FBXO31: variants seen among roughly 807,000 people sequenced by gnomAD.
FBXO31 encodes F-box only protein 31.
FBXO31 carries 24 observed loss-of-function variants against 54.4 expected under a neutral mutation model. The ratio of observed to expected loss-of-function variants is 0.44; its 90% CI spans 0.32 to 0.62. FBXO31 has a LOEUF of 0.62. Ranked by LOEUF, FBXO31 falls within the 20% of genes least tolerant of loss-of-function variation. The pLI is 0.05. For synonymous variants in FBXO31, 388 were observed against 335.6 expected, an observed-to-expected ratio of 1.16 and a Z score of -1.71; for missense variants, 665 against 787.1, an observed-to-expected ratio of 0.84 and a Z score of 1.86.
chr16:87,385,827 G>A (rs544883825), upstream of FBXO31, among the ~76,000 whole-genome samples: 4 of 152,218 alleles, frequency 2.6e-5, no homozygotes, highest in East Asian at 3.9e-4. Flanking sequence ...TGGCCAACAT[G>A]GTGAAACCTT....
At chr16:87,351,409 C>G (rs4843600) in intron 2 of FBXO31, among the ~76,000 whole-genome samples, 147,762 of 152,170 alleles carry the variant, frequency 0.97, 71,819 homozygotes, top group East Asian at 1. Flanking sequence ...GCTCTGGTGG[C>G]GGGGGAAAGG....
intron 8 of FBXO31, among the ~76,000 whole-genome samples, chr16:87,332,634 C>A (rs904285300): frequency 6.6e-6 from 1 of 152,000 alleles, no homozygotes; most frequent in African/African-American, 2.4e-5. Context: ...CATCCAAACC[C>A]CCTCCGGGAG....
intron 2 of FBXO31, among the ~76,000 whole-genome samples, chr16:87,350,722 TA>T (rs146548983): frequency 5.4e-4 from 81 of 149,094 alleles, no homozygotes; most frequent in African/African-American, 1.4e-3. Context: ...ATACTGGGGT[TA>T]AAAAAAAAAC....
In FBXO31 at chr16:87,374,160, C is replaced by G. The variant is rs551820254; in HGVS notation, c.340+9245G>C. On this transcript the variant is annotated intron_variant, in intron 1 of 8. Transcript: ENST00000311635. ...GAGAGGCTAAGGCAGGAGGATTCCT[C>G]GAGCCTAGGAGGTCAAAGTTGCCGT... 2.0e-5 allele frequency among the ~76,000 whole-genome samples: 3 copies of G among 151,772 alleles called. No individual in the cohort carries two copies. In the East Asian group the frequency reaches 5.8e-4, roughly 29 times the overall value.
At chr16:87,356,404 G>A (rs1001011582) in intron 2 of FBXO31, among the ~76,000 whole-genome samples, 16 of 152,062 alleles carry the variant, frequency 1.1e-4, no homozygotes, top group African/African-American at 3.1e-4. Flanking sequence ...GTCTTCAAAC[G>A]TTGCCCACCC....
upstream of FBXO31, among the ~76,000 whole-genome samples, chr16:87,391,026 C>A (rs1434779600): frequency 1.3e-5 from 2 of 152,232 alleles, no homozygotes; most frequent in Admixed American, 6.5e-5. Flanking sequence ...AACTATGGGG[C>A]TCTTTCAAAG....
chr16:87,383,554 C>T lies in FBXO31; in HGVS notation c.191G>A (p.Arg64His). 1 of 1,546,160 alleles carries T rather than the reference C, an allele frequency of 6.5e-7. No homozygotes were observed. The highest frequency in any genetic ancestry group is 8.7e-7 in the Non-Finnish European group (1 of 1,152,512). ...GGGCGGCAGCTCCAGCAGCGAGCAGCGCGGGGGCGGCGGCGAGGGGCCCGC... is the reference window on the plus strand; with the variant it reads ...GGGCGGCAGCTCCAGCAGCGAGCAGTGCGGGGGCGGCGGCGAGGGGCCCGC... Reference protein sequence around the residue: ...LCAGPSPPPPRCSLLELPPEL... With the variant: ...LCAGPSPPPPHCSLLELPPEL... Residue 64 changes from arginine (R) to histidine (H), a missense_variant, in exon 1 of 9, where the codon CGC becomes CAC. Coordinates refer to ENST00000311635, the MANE Select transcript of FBXO31 (RefSeq NM_024735.5). The surrounding 1 kb of genome is among the most constrained non-coding windows in gnomAD (Gnocchi z 4.9).
chr16:87,387,713 A>G (rs1907372681), upstream of FBXO31, among the ~76,000 whole-genome samples: 1 of 152,226 alleles, frequency 6.6e-6, no homozygotes, highest in Admixed American at 6.5e-5. Flanking sequence ...AGGCTGAAGC[A>G]GGAGAATGGT....
chr16:87,335,177 G>A lies in FBXO31; in HGVS notation c.996+127C>T. ...TCTGCTTTCCCAAGCTCCCGGGGCT[G>A]CAGGTGCAAGCCCACTCTGAGGAGC... On this transcript the variant is annotated intron_variant, in intron 7 of 8. Transcript: ENST00000311635. The surrounding 1 kb of genome is among the most constrained non-coding windows in gnomAD (Gnocchi z 5.7). 8.2e-6 allele frequency: 11 copies of A among 1,336,456 alleles called. No homozygotes were observed. The highest frequency in any genetic ancestry group is 1.2e-5 in the Non-Finnish European group (11 of 955,046). 82.8% of individuals were successfully genotyped at this position (1,336,456 alleles called of 1,614,324 possible).
In FBXO31 at chr16:87,335,433, G is replaced by C; in HGVS notation, c.867C>G (p.Ile289Met). 6.2e-7 allele frequency: 1 copy of C among 1,613,312 alleles called. No homozygotes were observed. Among genetic ancestry groups the C allele is most frequent in the Non-Finnish European group, 8.5e-7 (1 of 1,179,916 alleles). The stretch of plus-strand genomic sequence containing the variant: ...CGTCGGGGCGGCTGGGCGGCAGGTA[G>C]ATGCGGCGGTAGGTCAGGCAGTTGC... ...QYDNCLTYRR[I>M]YLPPSRPDDL... The change falls in exon 7 of 9, where the codon ATC (isoleucine) becomes ATG (methionine). Residue 289 changes from isoleucine to methionine, a missense_variant. Ile to Met is a conservative substitution (Grantham distance 10). Transcript: ENST00000311635. This position sits in a 1 kb window ranked among gnomAD's most constrained non-coding sequence, Gnocchi z 5.7.
intron 1 of FBXO31, among the ~76,000 whole-genome samples, chr16:87,389,171 T>C (rs977056490): frequency 1.3e-5 from 2 of 151,900 alleles, no homozygotes; most frequent in Non-Finnish European, 2.9e-5. Flanking sequence ...AGATATATAT[T>C]ATTTAACTAA....
intron 2 of FBXO31, among the ~76,000 whole-genome samples, chr16:87,354,041 C>T (rs756145932): frequency 1.2e-4 from 19 of 152,228 alleles, no homozygotes; most frequent in Non-Finnish European, 2.9e-5. Context: ...TCCGCGTTCA[C>T]CTCCAGTTTC....
chr16:87,374,037 C>G (rs953250835), intron 1 of FBXO31, among the ~76,000 whole-genome samples: 2 of 152,002 alleles, frequency 1.3e-5, no homozygotes, highest in Non-Finnish European at 2.9e-5. Flanking sequence ...GCCAGGACTT[C>G]CAGACCAGCC....
In FBXO31 at chr16:87,368,797, TTTTG is replaced by T. The variant is rs748184269; in HGVS notation, c.341-8435_341-8432del. 5.9e-5 allele frequency among the ~76,000 whole-genome samples: 9 copies of T among 152,302 alleles called. No individual in the cohort carries two copies. The East Asian group carries it at 1.3e-3, about 23-fold the overall frequency. ...ATTTAATTTAGATAGTTTCTTTGTTTTTTGTTTATTTGTCTTTTTGAAATAGAGT... is the reference window on the plus strand; with the variant it reads ...ATTTAATTTAGATAGTTTCTTTGTTTTTTATTTGTCTTTTTGAAATAGAGT... On this transcript the variant is annotated intron_variant, in intron 1 of 8. Coordinates refer to ENST00000311635, the MANE Select transcript of FBXO31 (RefSeq NM_024735.5).
chr16:87,386,247 A>G (rs1907324240), upstream of FBXO31: 1 of 152,176 alleles, frequency 6.6e-6, no homozygotes, highest in Non-Finnish European at 1.5e-5. Flanking sequence ...CAAGAAAAAG[A>G]GATAAAATAT....
chr16:87,391,827 G>C (rs977888703), upstream of FBXO31: 4 of 152,336 alleles, frequency 2.6e-5, no homozygotes, highest in Admixed American at 6.5e-5. Context: ...CTGCCTCCCG[G>C]AGACGGCGCG....
chr16:87,353,048 G>A (rs1286600998), intron 2 of FBXO31, among the ~76,000 whole-genome samples: 2 of 152,264 alleles, frequency 1.3e-5, no homozygotes. Context: ...GGGACTCTAC[G>A]GAAGAAATTG....
At chr16:87,357,243 CA>C (rs1287175650) in intron 2 of FBXO31, among the ~76,000 whole-genome samples, 42 of 128,000 alleles carry the variant, frequency 3.3e-4, no homozygotes, top group East Asian at 4.4e-4. Flanking sequence ...GACCCTGTCT[CA>C]AAAAAAAAAA....
Position 87,336,438 on chromosome 16 carries a change from C to G in FBXO31, c.733-174G>C, listed in dbSNP as rs1040950181. On this transcript the variant is annotated intron_variant, in intron 5 of 8. Coordinates refer to ENST00000311635, the MANE Select transcript of FBXO31 (RefSeq NM_024735.5). This position sits in a 1 kb window ranked among gnomAD's most constrained non-coding sequence, Gnocchi z 6.5. ...CGCTGGGAAGAGAAAGGGGAGCTGC[C>G]GGATTTGACCCCACGTCAGAGGTGC... Among the ~76,000 whole-genome samples, 1 of 152,106 alleles carries G rather than the reference C, an allele frequency of 6.6e-6. No individual in the cohort carries two copies. Among genetic ancestry groups the G allele is most frequent in the Non-Finnish European group, 1.5e-5 (1 of 68,002 alleles).
Sources: allele counts gnomAD v4.1 joint callset (sites outside exome capture counted in the v4.1 genomes callset), GRCh38; gene constraint gnomAD v4.1.1; non-coding constraint Gnocchi (gnomAD v3.1); transcripts MANE v1.5; gene names NCBI Gene and HGNC (gene_info 2026-07-23, HGNC 2026-07-21).